EPB41L1: variants seen among roughly 807,000 people sequenced by gnomAD.
EPB41L1 encodes erythrocyte membrane protein band 4.1 like 1, also known as band 4.1-like protein 1.
A neutral mutation model predicts 97.8 loss-of-function variants in EPB41L1; 29 were observed. That is an observed-to-expected ratio of 0.30 (90% confidence interval 0.22 to 0.40). The LOEUF is 0.40. Among genes scored for constraint, EPB41L1 ranks in the 10% least tolerant of loss-of-function variants. The pLI is 1.00. For missense variants in EPB41L1, 812 were observed against 1,162.3 expected (o/e 0.70, Z 4.38); for synonymous variants, 383 against 459.2 (o/e 0.83, Z 2.12).
Position 36,212,527 on chromosome 20 carries a change from G to T in EPB41L1, c.2184+151G>T. On this transcript the variant is annotated intron_variant, in intron 16 of 21. Coordinates refer to ENST00000338074, the MANE Select transcript of EPB41L1 (RefSeq NM_012156.2). The surrounding 1 kb of genome is among the most constrained non-coding windows in gnomAD (Gnocchi z 4.8). ...AATCCTGATGCTCTCCTGTGCCTCA[G>T]TGTCCTCTCTGAGCTCTGGGGAGGG... The T allele has an allele frequency of 1.4e-6, 1 of 702,808 alleles. No homozygotes were observed. The allele number at this position is 702,808 out of a possible 1,614,324, so 43.5% of individuals were successfully genotyped here. A position where few individuals can be genotyped will look rare whatever the true frequency, so the allele number is the denominator to read the frequency against.
intron 14 of EPB41L1, among the ~76,000 whole-genome samples, chr20:36,198,869 T>C (rs915543135): frequency 2.0e-5 from 3 of 152,226 alleles, no homozygotes; most frequent in Admixed American, 6.5e-5. Flanking sequence ...TGGATGACTT[T>C]GGGCTTGTTA....
At chr20:36,149,295 C>A (rs1460428185) in intron 2 of EPB41L1, among the ~76,000 whole-genome samples, 1 of 152,220 alleles carries the variant, frequency 6.6e-6, no homozygotes, top group Non-Finnish European at 1.5e-5. Context: ...TTCAACAACA[C>A]TACACTAGAT....
intron 2 of EPB41L1, among the ~76,000 whole-genome samples, chr20:36,174,880 G>C (rs1015808727): frequency 6.6e-6 from 1 of 152,202 alleles, no homozygotes; most frequent in African/African-American, 2.4e-5. Context: ...ATCTGATTTT[G>C]AAGGCTGAGT....
At chr20:36,154,722 C>CGCCGCCGCCGCT, upstream of EPB41L1, 2 of 985,316 alleles carry the variant, frequency 2.0e-6, no homozygotes, top group Non-Finnish European at 2.4e-6. The surrounding 1 kb of genome is among the most constrained non-coding windows in gnomAD (Gnocchi z 5.5). Context: ...GAGCCGCCGC[C>CGCCGCCGCCGCT]GCCGCCGCCG....
chr20:36,181,017 A>C (rs2061450636), intron 5 of EPB41L1, among the ~76,000 whole-genome samples: 1 of 152,180 alleles, frequency 6.6e-6, no homozygotes, highest in Non-Finnish European at 1.5e-5. Flanking sequence ...ATGATTATGA[A>C]GATCAAACCC....
At chr20:36,172,889 C>G (rs558065103) in intron 1 of EPB41L1, among the ~76,000 whole-genome samples, 1 of 152,316 alleles carries the variant, frequency 6.6e-6, no homozygotes, top group South Asian at 2.1e-4. Flanking sequence ...CATGAGCCAC[C>G]GCGCCTGGCG....
chr20:36,142,569 C>T (rs1471475519), intron 2 of EPB41L1, among the ~76,000 whole-genome samples: 2 of 152,200 alleles, frequency 1.3e-5, no homozygotes, highest in Admixed American at 6.5e-5. Flanking sequence ...ATTGGCGGCT[C>T]ATTATCTTAA....
upstream of EPB41L1, among the ~76,000 whole-genome samples, chr20:36,154,422 C>T (rs1378227831): frequency 1.3e-5 from 2 of 151,928 alleles, no homozygotes; most frequent in Non-Finnish European, 2.9e-5. The surrounding 1 kb of genome is among the most constrained non-coding windows in gnomAD (Gnocchi z 5.5). Context: ...GAGAGGCCCC[C>T]CAGCTGCACA....
rs2061194444 is a variant in EPB41L1 at position 36,175,643 on chromosome 20, T to G, written c.270T>G (p.Ile90Met). The part of the protein sequence containing the change: ...PSKAQKSPQK[I>M]AKKYKSAICR... ...AGGCCCAGAAATCGCCCCAGAAGAT[T>G]GCCAAGAAATACAAGAGTGCCATCT... Residue 90 changes from isoleucine to methionine, a missense_variant, in exon 3 of 22, where the codon ATT (isoleucine) becomes ATG (methionine). Around this residue, in one of 3 missense-constraint regions of EPB41L1, gnomAD observed 230 missense variants for 445.2 expected, o/e 0.52. Coordinates refer to ENST00000338074, the MANE Select transcript of EPB41L1 (RefSeq NM_012156.2). 4 of 1,614,116 alleles carry G rather than the reference T, an allele frequency of 2.5e-6. No individual in the cohort carries two copies. In the East Asian group the frequency reaches 8.9e-5, roughly 36 times the overall value.
chr20:36,181,867 C>G (rs1475025450), intron 5 of EPB41L1, among the ~76,000 whole-genome samples: 2 of 152,110 alleles, frequency 1.3e-5, no homozygotes, highest in Admixed American at 1.3e-4. Flanking sequence ...GGGTTTGAAC[C>G]CCAGCATTGC....
Position 36,173,681 on chromosome 20 carries a change from T to C in EPB41L1, c.-14-83T>C. On this transcript the variant is annotated intron_variant, in intron 1 of 21. Coordinates refer to ENST00000338074, the MANE Select transcript of EPB41L1 (RefSeq NM_012156.2). Reference sequence around the variant, plus strand: ...TTGTCCGTTTGCCTCCATCTGTCTCTCTCCGCGTGTGGTTCCTGCCCCTCT... The same window carrying C: ...TTGTCCGTTTGCCTCCATCTGTCTCCCTCCGCGTGTGGTTCCTGCCCCTCT... 4.7e-6 allele frequency: 6 copies of C among 1,272,388 alleles called. No individual in the cohort carries two copies. In the Middle Eastern group the frequency reaches 7.4e-4, roughly 156 times the overall value. 78.8% of individuals were successfully genotyped at this position (1,272,388 alleles called of 1,614,324 possible). A position where few individuals can be genotyped will look rare whatever the true frequency, so the allele number is the denominator to read the frequency against.
rs1287083573 is a variant in EPB41L1, at chr20:36,175,678, C to T, written c.305C>T (p.Thr102Ile). The change falls in exon 3 of 22, where the codon ACT becomes ATT. Residue 102 changes from threonine to isoleucine, a missense_variant. Around this residue, in one of 3 missense-constraint regions of EPB41L1, gnomAD observed 230 missense variants for 445.2 expected, o/e 0.52. Transcript: ENST00000338074. ...TACAAGAGTGCCATCTGCCGGGTCA[C>T]TCTGCTTGATGCCTCGGAGTATGAG... is the stretch of plus-strand genomic sequence containing the variant. ...KKYKSAICRV[T>I]LLDASEYECE... 6.2e-7 allele frequency: 1 copy of T among 1,614,126 alleles called. No homozygotes were observed. Among genetic ancestry groups the T allele is most frequent in the Non-Finnish European group, 8.5e-7 (1 of 1,180,042 alleles).
chr20:36,091,856 C>T (rs753455183), intron 1 of EPB41L1: 8 of 152,288 alleles, frequency 5.3e-5, no homozygotes, highest in Non-Finnish European at 1.0e-4. Context: ...CAGATGCTAT[C>T]TTGGGCTCGC....
intron 14 of EPB41L1, among the ~76,000 whole-genome samples, chr20:36,200,286 G>A (rs762525121): frequency 3.3e-5 from 5 of 152,210 alleles, no homozygotes; most frequent in Non-Finnish European, 5.9e-5. Flanking sequence ...TCAACTGGAA[G>A]GTGCTGGGCA....
chr20:36,159,440 T>C (rs1600666085), intron 1 of EPB41L1, among the ~76,000 whole-genome samples: 1 of 152,170 alleles, frequency 6.6e-6, no homozygotes, highest in African/African-American at 2.4e-5. Context: ...GCAAAGCTCT[T>C]TTGCATCCTT....
rs1408467290 is a variant in EPB41L1 at position 36,232,356 on chromosome 20, C to T, written c.*3016C>T. ...CCATCCTGGCTCAGCTCCTAACTCA[C>T]CATGTGACATCAGGCTATCCCCATT... On this transcript the variant is annotated 3_prime_UTR_variant, in exon 22 of 22. Coordinates refer to ENST00000338074, the MANE Select transcript of EPB41L1 (RefSeq NM_012156.2). 1 of 351,854 alleles carries T rather than the reference C, an allele frequency of 2.8e-6. No homozygotes were observed. The highest frequency in any genetic ancestry group is 2.1e-5 in the African/African-American group (1 of 47,774). 21.8% of individuals were successfully genotyped at this position (351,854 alleles called of 1,614,324 possible).
Position 36,156,573 on chromosome 20 carries a change from C to T in EPB41L1, c.-15+1677C>T, listed in dbSNP as rs142515707. 8.7e-3 allele frequency among the ~76,000 whole-genome samples: 1,326 copies of T among 152,310 alleles called. 27 individuals are homozygous for T. Among genetic ancestry groups the T allele is most frequent in the African/African-American group, 0.03 (1,244 of 41,566 alleles). ...TTCTGGGGCTCTTGCAGCTCAGGTG[C>T]TGGCTTCCCTGCTGCGGTGGTTGTG... On this transcript the variant is annotated intron_variant, in intron 1 of 21. Coordinates refer to ENST00000338074, the MANE Select transcript of EPB41L1 (RefSeq NM_012156.2).
At chr20:36,164,825 A>G (rs1187486352) in intron 1 of EPB41L1, among the ~76,000 whole-genome samples, 1 of 151,988 alleles carries the variant, frequency 6.6e-6, no homozygotes, top group Non-Finnish European at 1.5e-5. Flanking sequence ...AGCTGGGACT[A>G]CAGGAGCCTG....
At chr20:36,131,439 C>T (rs1024092532) in intron 2 of EPB41L1, among the ~76,000 whole-genome samples, 2 of 152,258 alleles carry the variant, frequency 1.3e-5, no homozygotes, top group South Asian at 2.1e-4. Context: ...GTCTGAAGAG[C>T]CTGTTCCTTG....
Sources: gnomAD v4.1 joint callset for allele counts (sites outside exome capture counted in the v4.1 genomes callset) on GRCh38, gnomAD v4.1.1 for gene constraint, gnomAD v4.1.1 regional missense constraint, Gnocchi (gnomAD v3.1) non-coding constraint, MANE v1.5 for transcripts, NCBI Gene and HGNC (gene_info 2026-07-23, HGNC 2026-07-21) for gene names.